ANKS1B: variants seen among roughly 807,000 people sequenced by gnomAD.
The protein encoded by ANKS1B is ankyrin repeat and sterile alpha motif domain containing 1B.
A neutral mutation model predicts 148.3 loss-of-function variants in ANKS1B; 36 were observed. The ratio of observed to expected loss-of-function variants is 0.24; its 90% CI spans 0.19 to 0.32. The LOEUF is 0.32. Among genes scored for constraint, ANKS1B ranks in the 10% least tolerant of loss-of-function variants. ANKS1B has a pLI of 1.00. For missense variants in ANKS1B, 1,157 were observed against 1,542.6 expected, an observed-to-expected ratio of 0.75 and a Z score of 4.19; for synonymous variants, 542 against 560.8, an observed-to-expected ratio of 0.97 and a Z score of 0.47.
rs2095752115 is a variant in ANKS1B, at chr12:99,984,474, G to C, written c.-237C>G. The C allele has an allele frequency of 2.4e-6, 1 of 413,858 alleles. No homozygotes were observed. The highest frequency in any genetic ancestry group is 3.6e-5 in the East Asian group (1 of 27,820). 25.6% of individuals were successfully genotyped at this position (413,858 alleles called of 1,614,324 possible). A position where few individuals can be genotyped will look rare whatever the true frequency, so the allele number is the denominator to read the frequency against. ...TTGAAAGAGGGGCTGGCCGAGCTGGGAGCCGCGACGCGCCCCCACAGCCAC... is the reference window on the plus strand; with the variant it reads ...TTGAAAGAGGGGCTGGCCGAGCTGGCAGCCGCGACGCGCCCCCACAGCCAC... On this transcript the variant is annotated 5_prime_UTR_variant, in exon 1 of 27. Coordinates refer to ENST00000683438, the MANE Select transcript of ANKS1B (RefSeq NM_001352186.2).
chr12:98,847,042 A>C (rs1401828467), intron 17 of ANKS1B, among the ~76,000 whole-genome samples: 1 of 152,198 alleles, frequency 6.6e-6, no homozygotes, highest in Non-Finnish European at 1.5e-5. Context: ...CACCATCAAG[A>C]CTATAAGCAT....
intron 17 of ANKS1B, among the ~76,000 whole-genome samples, chr12:98,849,119 A>C (rs2099506121): frequency 6.6e-6 from 1 of 152,164 alleles, no homozygotes; most frequent in South Asian, 2.1e-4. Flanking sequence ...TTGCCATAGA[A>C]TTCTTCTAAT....
chr12:99,280,870 GTCTCTCTC>G (rs543317899), intron 12 of ANKS1B, among the ~76,000 whole-genome samples: 1 of 145,390 alleles, frequency 6.9e-6, no homozygotes, highest in Non-Finnish European at 1.5e-5. Context: ...CTCTCTGTCT[GTCTCTCTC>G]TCTCTCTCAC....
At chr12:99,039,412 C>A (rs547942687) in intron 17 of ANKS1B, among the ~76,000 whole-genome samples, 6 of 152,340 alleles carry the variant, frequency 3.9e-5, no homozygotes, top group African/African-American at 1.4e-4. Context: ...TTTTTAAGCA[C>A]CTGCTTTGTA....
intron 1 of ANKS1B, among the ~76,000 whole-genome samples, chr12:99,877,819 G>T (rs1219872824): frequency 2.0e-5 from 3 of 152,190 alleles, no homozygotes; most frequent in African/African-American, 7.2e-5. Flanking sequence ...CTCTTTGGGA[G>T]GCCAAGGTGA....
intron 12 of ANKS1B, among the ~76,000 whole-genome samples, chr12:99,338,825 A>G (rs1377271677): frequency 6.6e-6 from 1 of 152,156 alleles, no homozygotes; most frequent in Non-Finnish European, 1.5e-5. Context: ...CAGGGAAGAT[A>G]GTGCCTGGAC....
At chr12:99,675,795 C>T (rs905348175) in intron 8 of ANKS1B, among the ~76,000 whole-genome samples, 1 of 151,774 alleles carries the variant, frequency 6.6e-6, no homozygotes, top group South Asian at 2.1e-4. Flanking sequence ...AATTGTGCTA[C>T]CTCTGTGTGT....
At chr12:99,923,017 A>C (rs2094399040) in intron 1 of ANKS1B, among the ~76,000 whole-genome samples, 2 of 152,190 alleles carry the variant, frequency 1.3e-5, no homozygotes, top group South Asian at 4.1e-4. Context: ...GGACTAAGAC[A>C]ATGTATTATA....
intron 12 of ANKS1B, among the ~76,000 whole-genome samples, chr12:99,305,233 G>C (rs766979655): frequency 6.6e-6 from 1 of 152,026 alleles, no homozygotes; most frequent in Non-Finnish European, 1.5e-5. Context: ...CCTCCCACCA[G>C]GCCCCATCTC....
intron 10 of ANKS1B, among the ~76,000 whole-genome samples, chr12:99,451,274 A>C (rs1164157634): frequency 1.3e-5 from 2 of 152,248 alleles, no homozygotes; most frequent in Non-Finnish European, 2.9e-5. Flanking sequence ...TTTTAGAAGA[A>C]AAATATTCTA....
intron 12 of ANKS1B, among the ~76,000 whole-genome samples, chr12:99,289,388 T>A (rs2079588888): frequency 6.6e-6 from 1 of 151,938 alleles, no homozygotes; most frequent in African/African-American, 2.4e-5. Context: ...CAAAGAAATA[T>A]CATAGTTAAT....
At position 99,593,906 on chromosome 12, in the gene ANKS1B, C is replaced by G. The variant is rs568482174; in HGVS notation, c.1272+61161G>C. On this transcript the variant is annotated intron_variant, in intron 9 of 26. Transcript: ENST00000683438. ...TAGTCTTTTTCAGTTTACAAAGTGC[C>G]TGTATACACATTATCATTTATGCTG... Among the ~76,000 whole-genome samples, 8 of 151,960 alleles carry G rather than the reference C, an allele frequency of 5.3e-5. No homozygotes were observed. The South Asian group carries it at 1.7e-3, about 32-fold the overall frequency.
chr12:99,538,234 A>C (rs756391834), intron 9 of ANKS1B, among the ~76,000 whole-genome samples: 1 of 152,042 alleles, frequency 6.6e-6, no homozygotes, highest in Non-Finnish European at 1.5e-5. Context: ...AGCTTTGGCT[A>C]TTCTGGTTTT....
chr12:98,848,097 AT>A (rs2099492841), intron 17 of ANKS1B, among the ~76,000 whole-genome samples: 1 of 152,260 alleles, frequency 6.6e-6, no homozygotes, highest in African/African-American at 2.4e-5. Context: ...GAAAAGTAAT[AT>A]CCCCACTTGC....
chr12:99,306,651 G>C (rs2082389132), intron 12 of ANKS1B, among the ~76,000 whole-genome samples: 1 of 152,056 alleles, frequency 6.6e-6, no homozygotes, highest in Non-Finnish European at 1.5e-5. Flanking sequence ...TGCTAAGCAG[G>C]TCCAAAGAGG....
intron 17 of ANKS1B, among the ~76,000 whole-genome samples, chr12:99,004,206 A>T (rs1568308928): frequency 6.6e-6 from 1 of 152,184 alleles, no homozygotes; most frequent in East Asian, 1.9e-4. Context: ...TGATTGTTAT[A>T]TGAGAGAAAT....
intron 12 of ANKS1B, among the ~76,000 whole-genome samples, chr12:99,297,008 C>T (rs899363610): frequency 4.6e-5 from 7 of 152,062 alleles, no homozygotes; most frequent in Non-Finnish European, 1.0e-4. Flanking sequence ...GGTTTTTAAA[C>T]TAAACATCTC....
chr12:99,219,053 G>C (rs1313362477), intron 14 of ANKS1B, among the ~76,000 whole-genome samples: 1 of 152,184 alleles, frequency 6.6e-6, no homozygotes, highest in East Asian at 1.9e-4. Flanking sequence ...TGAGAGATCA[G>C]ATGATTCCTT....
At chr12:99,758,826 T>C (rs957902865) in intron 8 of ANKS1B, among the ~76,000 whole-genome samples, 1 of 151,876 alleles carries the variant, frequency 6.6e-6, no homozygotes, top group African/African-American at 2.4e-5. Flanking sequence ...ATAATTACTA[T>C]GACAGTAAAA....
Sources: gnomAD v4.1 joint callset for allele counts (sites outside exome capture counted in the v4.1 genomes callset) on GRCh38, gnomAD v4.1.1 for gene constraint, MANE v1.5 for transcripts, NCBI Gene and HGNC (gene_info 2026-07-23, HGNC 2026-07-21) for gene names.